The following PLA2G5 variants were observed in gnomAD, a reference collection of about 807,000 sequenced individuals.
The protein encoded by PLA2G5 is phospholipase A2 group V.
Under a neutral mutation model 15.9 loss-of-function variants are expected in PLA2G5, and 12 were observed. That is an observed-to-expected ratio of 0.76 (90% CI 0.48 to 1.23). The LOEUF (loss-of-function observed/expected upper bound fraction) is 1.23, where lower values mean the gene tolerates loss of function less well. Among genes scored for constraint, PLA2G5 ranks in the 50% most tolerant of loss-of-function variants. The pLI, the probability that PLA2G5 is intolerant of heterozygous loss-of-function variation, is 0.00. For missense variants in PLA2G5, 169 were observed against 177.1 expected (o/e 0.95, Z 0.26); for synonymous variants, 71 against 71.4 (o/e 0.99, Z 0.03).
At chr1:20,080,338 T>C (rs2015938506) in intron 1 of PLA2G5, among the ~76,000 whole-genome samples, 1 of 152,044 alleles carries the variant, frequency 6.6e-6, no homozygotes, top group Non-Finnish European at 1.5e-5. Flanking sequence ...TCCCAGCACT[T>C]TGGGAGTGTG....
intron 1 of PLA2G5, among the ~76,000 whole-genome samples, chr1:20,038,279 C>CA (rs1283410999): frequency 6.6e-6 from 1 of 151,812 alleles, no homozygotes; most frequent in African/African-American, 2.4e-5. Flanking sequence ...CACCACCCCC[C>CA]AAAAAAAATC....
intron 1 of PLA2G5, among the ~76,000 whole-genome samples, chr1:20,049,429 A>G (rs1487702704): frequency 6.7e-6 from 1 of 149,268 alleles, no homozygotes; most frequent in African/African-American, 2.6e-5. Context: ...AAATTATAAG[A>G]GCTTTTAATT....
In PLA2G5 at chr1:20,089,688, T is replaced by C. The variant is rs1351277663; in HGVS notation, c.186-101T>C. 4.9e-6 allele frequency: 4 copies of C among 814,318 alleles called. No homozygotes were observed. In the African/African-American group the frequency reaches 6.8e-5, roughly 14 times the overall value. 50.4% of individuals were successfully genotyped at this position (814,318 alleles called of 1,614,324 possible). On this transcript the variant is annotated intron_variant, in intron 3 of 4. Coordinates refer to ENST00000375108, the MANE Select transcript of PLA2G5 (RefSeq NM_000929.3). Reference sequence around the variant, plus strand: ...CCCTGCCACATCGCGTCCACCAAGGTGGCCTCTGCTAAAGTGACATGGTTG... The same window carrying C: ...CCCTGCCACATCGCGTCCACCAAGGCGGCCTCTGCTAAAGTGACATGGTTG...
chr1:20,065,068 C>A (rs139757217), intron 2 of PLA2G5, among the ~76,000 whole-genome samples: 1 of 152,086 alleles, frequency 6.6e-6, no homozygotes, highest in South Asian at 2.1e-4. Flanking sequence ...TGAGAATGCA[C>A]GCAATAACTT....
At chr1:20,029,478 C>T (rs1003195212) in intron 1 of PLA2G5, among the ~76,000 whole-genome samples, 1 of 152,142 alleles carries the variant, frequency 6.6e-6, no homozygotes, top group East Asian at 1.9e-4. Flanking sequence ...GACGTGCAGC[C>T]GCTGTGTGTC....
upstream of PLA2G5, chr1:20,066,034 AT>A (rs1369124916): frequency 3.3e-5 from 5 of 152,200 alleles, no homozygotes; most frequent in African/African-American, 1.2e-4. Flanking sequence ...TGGCCGTGCC[AT>A]TTTGAATTTC....
intron 4 of PLA2G5, 91 bp downstream of exon 4, chr1:20,089,986 G>C (rs1308482507): frequency 3.4e-6 from 3 of 878,670 alleles, no homozygotes; most frequent in Middle Eastern, 2.9e-4. Flanking sequence ...TATCTTGTTG[G>C]GGGAGGAGGA....
chr1:20,062,742 G>A (rs1156785197), intron 2 of PLA2G5, among the ~76,000 whole-genome samples: 2 of 152,200 alleles, frequency 1.3e-5, no homozygotes, highest in East Asian at 3.9e-4. Flanking sequence ...GGAATGGAAG[G>A]GGCGCTGTCA....
At chr1:20,081,486 G>A (rs1293296824) in intron 1 of PLA2G5, among the ~76,000 whole-genome samples, 1 of 151,910 alleles carries the variant, frequency 6.6e-6, no homozygotes, top group African/African-American at 2.4e-5. Flanking sequence ...AGGTCGGCAG[G>A]TCAGGAGGAG....
chr1:20,036,669 T>C (rs1207322496), intron 1 of PLA2G5, among the ~76,000 whole-genome samples: 1 of 152,194 alleles, frequency 6.6e-6, no homozygotes, highest in Non-Finnish European at 1.5e-5. Flanking sequence ...TTAAATTTCT[T>C]TCTTTTTTTT....
rs938822773 is a variant in PLA2G5 at position 20,091,486 on chromosome 1, C to T, written c.*794C>T. ...GCTTCTTCAGCTGTGTGGTCTTGGA[C>T]CCGTTACTGAACCTCTTTGACTTTC... On this transcript the variant is annotated 3_prime_UTR_variant, in exon 5 of 5. Coordinates refer to ENST00000375108, the MANE Select transcript of PLA2G5 (RefSeq NM_000929.3). Among the ~76,000 whole-genome samples, 3 of 152,116 alleles carry T rather than the reference C, an allele frequency of 2.0e-5. No homozygotes were observed. Among genetic ancestry groups the T allele is most frequent in the African/African-American group, 7.2e-5 (3 of 41,418 alleles).
At chr1:20,056,985 AT>A (rs2014463407) in intron 1 of PLA2G5, among the ~76,000 whole-genome samples, 1 of 152,170 alleles carries the variant, frequency 6.6e-6, no homozygotes, top group Non-Finnish European at 1.5e-5. Flanking sequence ...CATCTAGGCT[AT>A]CAAATTTCTG....
At position 20,046,579 on chromosome 1, in the gene PLA2G5, A is replaced by G. The variant is rs540869226; in HGVS notation, n.277-13053A>G. Among the ~76,000 whole-genome samples, 199 of 152,332 alleles carry G rather than the reference A, an allele frequency of 1.3e-3. 2 individuals are homozygous for G. The highest frequency in any genetic ancestry group is 4.7e-3 in the African/African-American group (195 of 41,570). On this transcript the variant is annotated intron_variant and non_coding_transcript_variant, in intron 1 of 6. Transcript: ENST00000460175. ...TTAAATAATTCAGAACAAAGGCACCAATCACCCCTTTTGGGATGTTCTTCT... is the reference window on the plus strand; with the variant it reads ...TTAAATAATTCAGAACAAAGGCACCGATCACCCCTTTTGGGATGTTCTTCT...
At chr1:20,050,023 G>T (rs900883441) in intron 1 of PLA2G5, among the ~76,000 whole-genome samples, 1 of 152,114 alleles carries the variant, frequency 6.6e-6, no homozygotes, top group African/African-American at 2.4e-5. Flanking sequence ...AGTGCAGAAG[G>T]TCTTTTCTTT....
upstream of PLA2G5, among the ~76,000 whole-genome samples, chr1:20,065,740 T>C (rs535334337): frequency 3.3e-5 from 5 of 152,218 alleles, no homozygotes; most frequent in South Asian, 1.0e-3. Flanking sequence ...GCTGTAAACA[T>C]TTGTGTGCAG....
Position 20,045,024 on chromosome 1 carries a change from C to G in PLA2G5, n.277-14608C>G, listed in dbSNP as rs79263010. Among the ~76,000 whole-genome samples the G allele has an allele frequency of 1.6e-3, 249 of 152,162 alleles. 2 individuals are homozygous for G. Among genetic ancestry groups the G allele is most frequent in the African/African-American group, 5.9e-3 (243 of 41,518 alleles). ...CTCAGACCATGTGCCCATTTTACGA[C>G]AAGAATTATCTAGATCTTGTAGGAT... On this transcript the variant is annotated intron_variant and non_coding_transcript_variant, in intron 1 of 6. Transcript: ENST00000460175.
chr1:20,089,724 C>A, intron 3 of PLA2G5, 65 bp from the exon 4 acceptor site: 1 of 1,317,698 alleles, frequency 7.6e-7, no homozygotes. Context: ...AATTTTTGCT[C>A]CTATTAGGGA....
chr1:20,060,247 C>CTTTTTTTTTTTT (rs71585739), intron 2 of PLA2G5, among the ~76,000 whole-genome samples: 17 of 83,700 alleles, frequency 2.0e-4, no homozygotes, highest in Non-Finnish European at 2.1e-4. Context: ...CTTTTTTCTT[C>CTTTTTTTTTTTT]TTTTTTTTTT....
chr1:20,056,595 G>T (rs2014446057), intron 1 of PLA2G5, among the ~76,000 whole-genome samples: 1 of 151,964 alleles, frequency 6.6e-6, no homozygotes, highest in African/African-American at 2.4e-5. Flanking sequence ...ATTCTTTTTG[G>T]GCATTATTGG....
Sources: allele counts gnomAD v4.1 joint callset (sites outside exome capture counted in the v4.1 genomes callset), GRCh38; gene constraint gnomAD v4.1.1; transcripts MANE v1.5; gene names NCBI Gene and HGNC (gene_info 2026-07-23, HGNC 2026-07-21).